CFLAR: variants seen among roughly 807,000 people sequenced by gnomAD.
CFLAR encodes the protein CASP8 and FADD like apoptosis regulator.
In CFLAR, 14 loss-of-function variants were observed where a neutral mutation model predicts 51.1. That is an observed-to-expected ratio of 0.27 (90% CI 0.18 to 0.43). CFLAR has a LOEUF of 0.43. Among genes scored for constraint, CFLAR ranks in the 20% least tolerant of loss-of-function variants. The pLI is 1.00. For synonymous variants in CFLAR, 210 were observed against 211.6 expected (o/e 0.99, Z 0.06); for missense variants, 390 against 566.5 (o/e 0.69, Z 3.16).
At chr2:201,136,562 T>C in intron 4 of CFLAR, 1 of 1,464,962 alleles carries the variant, frequency 6.8e-7, no homozygotes, top group Non-Finnish European at 9.0e-7. Context: ...CACATTCGAT[T>C]TCTTCCTTGA....
rs568384608 is a variant in CFLAR at position 201,166,853 on chromosome 2, C to T, written c.*2880C>T. On this transcript the variant is annotated 3_prime_UTR_variant, in exon 10 of 10. Transcript: ENST00000309955. ...GTGGCGGCGCCCGCAATGGCAGGCA[C>T]GCGGCAGGCCGAGGCGGGAGAATCA... The T allele has an allele frequency of 4.5e-5, 7 of 156,466 alleles. No individual in the cohort carries two copies. Among genetic ancestry groups the T allele is most frequent in the Non-Finnish European group, 8.4e-5 (6 of 71,416 alleles). 9.7% of individuals were successfully genotyped at this position (156,466 alleles called of 1,614,324 possible). A position where few individuals can be genotyped will look rare whatever the true frequency, so the allele number is the denominator to read the frequency against.
Position 201,163,366 on chromosome 2 carries a change from A to G in CFLAR, c.1305-469A>G, listed in dbSNP as rs115740316. ...CTTTTTCAGTTGCACTCTAATTACA[A>G]TTTAGAATGATGTTTCTGAGCCACC... is the stretch of plus-strand genomic sequence containing the variant. On this transcript the variant is annotated intron_variant, in intron 9 of 9. Transcript: ENST00000309955. 779 of 1,152,496 alleles carry G rather than the reference A, an allele frequency of 6.8e-4. 6 individuals carry two copies. The African/African-American group carries it at 0.011, about 17-fold the overall frequency. 71.4% of individuals were successfully genotyped at this position (1,152,496 alleles called of 1,614,324 possible).
chr2:201,142,532 C>T (rs1246439455), intron 5 of CFLAR: 1 of 152,098 alleles, frequency 6.6e-6, no homozygotes, highest in Non-Finnish European at 1.5e-5. Context: ...TGGGCCCAGC[C>T]CATACTCCTT....
chr2:201,134,263 GC>G (rs1254608777), intron 3 of CFLAR, among the ~76,000 whole-genome samples: 1 of 151,816 alleles, frequency 6.6e-6, no homozygotes, highest in Non-Finnish European at 1.5e-5. Context: ...AGTCGAGATT[GC>G]ACCATTGCAC....
At position 201,119,473 on chromosome 2, in the gene CFLAR, T is replaced by G. The variant is rs370893090; in HGVS notation, c.-138+2992T>G. Among the ~76,000 whole-genome samples, 6 of 152,202 alleles carry G rather than the reference T, an allele frequency of 3.9e-5. No individual in the cohort carries two copies. The East Asian group carries it at 1.2e-3, about 29-fold the overall frequency. Reference sequence around the variant, plus strand: ...TTTGTTTATTTGTTTGTTTGTTTTGTCTTTTCTTTTAGTATGCCCAGGTAA... The same window carrying G: ...TTTGTTTATTTGTTTGTTTGTTTTGGCTTTTCTTTTAGTATGCCCAGGTAA... On this transcript the variant is annotated intron_variant, in intron 1 of 9. Transcript: ENST00000309955.
At chr2:201,135,727 G>A (rs545097642) in intron 3 of CFLAR, among the ~76,000 whole-genome samples, 4 of 152,072 alleles carry the variant, frequency 2.6e-5, no homozygotes, top group Non-Finnish European at 5.9e-5. Flanking sequence ...CTGAGTTCAA[G>A]TGATCCTCCA....
In CFLAR at chr2:201,160,588, G is replaced by T; in HGVS notation, c.950G>T (p.Gly317Val). The part of the protein sequence containing the change: ...SFVCVLVSRG[G>V]SQSVYGVDQT... ...GTGTGTGTCCTGGTGAGCCGAGGAG[G>T]CTCCCAGAGTGTGTATGGTGTGGAT... The change falls in exon 9 of 10, where the codon GGC becomes GTC. Residue 317 changes from glycine to valine, a missense_variant. Around this residue, in one of 2 missense-constraint regions of CFLAR, gnomAD observed 287 missense variants for 363.6 expected, o/e 0.79. Transcript: ENST00000309955. The T allele has an allele frequency of 1.9e-6, 3 of 1,613,952 alleles. No homozygotes were observed. The highest frequency in any genetic ancestry group is 2.5e-6 in the Non-Finnish European group (3 of 1,179,988).
intron 6 of CFLAR, chr2:201,145,673 G>C: frequency 2.3e-6 from 1 of 431,494 alleles, no homozygotes; most frequent in Non-Finnish European, 4.1e-6. Flanking sequence ...CGTATGTTAA[G>C]AGATGTGATG....
At chr2:201,153,391 A>G (rs979267382) in intron 8 of CFLAR, 1 of 152,226 alleles carries the variant, frequency 6.6e-6, no homozygotes, top group African/African-American at 2.4e-5. Flanking sequence ...CCATCTCCCT[A>G]GGCCTCCAGC....
chr2:201,154,152 C>T (rs536078913), intron 8 of CFLAR: 39 of 268,888 alleles, frequency 1.5e-4, no homozygotes, highest in Non-Finnish European at 1.0e-4. Context: ...AGTGCAATGG[C>T]GCAATCTCAG....
chr2:201,155,825 A>G (rs917386557), intron 8 of CFLAR, among the ~76,000 whole-genome samples: 2 of 152,008 alleles, frequency 1.3e-5, no homozygotes, highest in African/African-American at 4.8e-5. Context: ...GGGTCTCACT[A>G]TGTTGCCCAG....
chr2:201,162,606 G>A (rs1239415224), intron 9 of CFLAR: 1 of 203,318 alleles, frequency 4.9e-6, no homozygotes, highest in South Asian at 1.0e-4. Flanking sequence ...TATTTTTCTT[G>A]ATCTTGACAG....
rs567002023 is a variant in CFLAR at position 201,169,486 on chromosome 2, C to T, written c.*5513C>T. Reference sequence around the variant, plus strand: ...CAAGATTAAAGACTTAATGTAAAACCTAAAACTATAAAAACCCTAGAAGAA... The same window carrying T: ...CAAGATTAAAGACTTAATGTAAAACTTAAAACTATAAAAACCCTAGAAGAA... On this transcript the variant is annotated 3_prime_UTR_variant, in exon 10 of 10. Transcript: ENST00000309955. 3.3e-5 allele frequency: 5 copies of T among 152,200 alleles called. No homozygotes were observed. Among genetic ancestry groups the T allele is most frequent in the African/African-American group, 1.2e-4 (5 of 41,538 alleles). 9.4% of individuals were successfully genotyped at this position (152,200 alleles called of 1,614,324 possible).
intron 1 of CFLAR, among the ~76,000 whole-genome samples, chr2:201,121,251 A>G (rs1433122757): frequency 6.6e-6 from 1 of 152,228 alleles, no homozygotes; most frequent in Non-Finnish European, 1.5e-5. Flanking sequence ...GTAGCTATTA[A>G]TAAAATATGT....
chr2:201,143,172 A>G (rs2125799885), intron 5 of CFLAR, among the ~76,000 whole-genome samples: 1 of 152,210 alleles, frequency 6.6e-6, no homozygotes, highest in African/African-American at 2.4e-5. Flanking sequence ...TTCTCCTTAA[A>G]CTTTCTATAT....
At chr2:201,135,894 T>C (rs1425133376) in intron 3 of CFLAR, 78 bp from the exon 4 acceptor site, 1 of 1,542,450 alleles carries the variant, frequency 6.5e-7, no homozygotes, top group African/African-American at 1.4e-5. Context: ...CCCAAAGTGC[T>C]GGGATTACAG....
intron 4 of CFLAR, chr2:201,136,434 C>T (rs772269326): frequency 1.9e-6 from 3 of 1,598,282 alleles, no homozygotes; most frequent in Non-Finnish European, 2.5e-6. Flanking sequence ...CTGAACCCTA[C>T]TGCCTTGCTC....
Position 201,170,578 on chromosome 2 carries a change from C to T in CFLAR, c.*6605C>T, listed in dbSNP as rs1943952204. 1 of 152,194 alleles carries T rather than the reference C, an allele frequency of 6.6e-6. No homozygotes were observed. 9.4% of individuals were successfully genotyped at this position (152,194 alleles called of 1,614,324 possible). ...TCATTTTCTAACTCCAAAGGTAATA[C>T]TTATTTAAATGGTTTTGAAAATATA... On this transcript the variant is annotated 3_prime_UTR_variant, in exon 10 of 10. Coordinates refer to ENST00000309955, the MANE Select transcript of CFLAR (RefSeq NM_003879.7).
At chr2:201,129,474 G>C (rs2049032217) in intron 1 of CFLAR, 2 of 344,818 alleles carry the variant, frequency 5.8e-6, no homozygotes, top group Non-Finnish European at 1.0e-5. Flanking sequence ...AAGAATGTGG[G>C]GTTTCCTTGC....
Sources: allele counts gnomAD v4.1 joint callset (sites outside exome capture counted in the v4.1 genomes callset), GRCh38; gene constraint gnomAD v4.1.1; regional missense constraint gnomAD v4.1.1; transcripts MANE v1.5; gene names NCBI Gene and HGNC (gene_info 2026-07-23, HGNC 2026-07-21).